Variants in FBN2 observed in about 807,000 individuals in gnomAD.
FBN2 encodes the protein fibrillin 2.
In FBN2, 105 loss-of-function variants were observed where a neutral mutation model predicts 355.6. That is an observed-to-expected ratio of 0.30 (90% CI 0.25 to 0.35). FBN2 has a LOEUF of 0.35. Ranked by LOEUF, FBN2 falls within the 10% of genes least tolerant of loss-of-function variation. FBN2 has a pLI of 1.00. For synonymous variants in FBN2, 1,350 were observed against 1,301.2 expected, an observed-to-expected ratio of 1.04 and a Z score of -0.81; for missense variants, 3,280 against 3,758.7, an observed-to-expected ratio of 0.87 and a Z score of 3.33.
intron 5 of FBN2, among the ~76,000 whole-genome samples, chr5:128,491,725 A>G (rs1057025907): frequency 1.3e-5 from 2 of 152,232 alleles, no homozygotes; most frequent in African/African-American, 4.8e-5. Context: ...CAAGTCAACA[A>G]AAAGTCTACC....
rs1750051414 is a variant in FBN2, at chr5:128,311,325, G to A, written c.5049C>T (p.Leu1683=). Residue 1683 remains leucine, a synonymous_variant, in exon 39 of 65, where the codon CTC becomes CTT. Transcript: ENST00000262464. ...FQCECPQGYY[L]SEDTRICEDI... is the part of the protein sequence containing the mutation. ...CTTCACAGATGCGGGTATCCTCGCT[G>A]AGGTAGTAGCCTTGTGGGCACTCAC... 6.2e-7 allele frequency: 1 copy of A among 1,614,140 alleles called. No individual in the cohort carries two copies. The highest frequency in any genetic ancestry group is 8.5e-7 in the Non-Finnish European group (1 of 1,180,010).
chr5:128,269,977 G>A lies in FBN2; in HGVS notation c.7960+2022C>T, dbSNP rs1298276486. Among the ~76,000 whole-genome samples the A allele has an allele frequency of 2.6e-5, 4 of 152,236 alleles. No individual in the cohort carries two copies. The East Asian group carries it at 7.7e-4, about 29-fold the overall frequency. ...AGGCTACAGTAACCAAAACAACATG[G>A]TGCTGGTACCAGAGCAGACATATAG... On this transcript the variant is annotated intron_variant, in intron 62 of 64. Coordinates refer to ENST00000262464, the MANE Select transcript of FBN2 (RefSeq NM_001999.4).
chr5:128,290,095 TA>T, intron 50 of FBN2, 148 bp from the exon 51 acceptor site: 1 of 669,982 alleles, frequency 1.5e-6, no homozygotes, highest in Non-Finnish European at 2.7e-6. Context: ...TTTTATGATT[TA>T]TTTCAAAAGC....
At position 128,530,885 on chromosome 5, in the gene FBN2, T is replaced by C. The variant is rs375094152; in HGVS notation, c.338-192A>G. On this transcript the variant is annotated intron_variant, in intron 2 of 64. Transcript: ENST00000262464. ...GGAATAAGTCTCACAGGTATCCTTA[T>C]GAAAACGTGTAAACAAATGAAGCTG... 2.6e-5 allele frequency among the ~76,000 whole-genome samples: 4 copies of C among 152,192 alleles called. No homozygotes were observed. In the South Asian group the frequency reaches 8.3e-4, roughly 31 times the overall value.
intron 11 of FBN2, among the ~76,000 whole-genome samples, chr5:128,389,568 A>G (rs1437990988): frequency 6.6e-6 from 1 of 152,188 alleles, no homozygotes; most frequent in African/African-American, 2.4e-5. Context: ...CCAAGGCCAA[A>G]GCCCCCTAAA....
At chr5:128,366,931 A>G (rs1453926539) in intron 16 of FBN2, among the ~76,000 whole-genome samples, 1 of 152,202 alleles carries the variant, frequency 6.6e-6, no homozygotes, top group Admixed American at 6.5e-5. Flanking sequence ...TAACTTGACC[A>G]AAGTCACAGA....
chr5:128,388,523 A>T (rs971438760), intron 11 of FBN2, among the ~76,000 whole-genome samples: 1 of 152,214 alleles, frequency 6.6e-6, no homozygotes, highest in African/African-American at 2.4e-5. Flanking sequence ...CCTCTTGGTA[A>T]GGCAGGTCTG....
At chr5:128,520,090 T>C (rs1208013869) in intron 4 of FBN2, among the ~76,000 whole-genome samples, 2 of 152,130 alleles carry the variant, frequency 1.3e-5, no homozygotes, top group Non-Finnish European at 2.9e-5. Flanking sequence ...GTTTCCAAAG[T>C]CATGCTGACA....
chr5:128,283,074 T>C (rs1749025447), intron 55 of FBN2, among the ~76,000 whole-genome samples: 1 of 152,214 alleles, frequency 6.6e-6, no homozygotes, highest in African/African-American at 2.4e-5. Context: ...ACTTTCAACC[T>C]TTTGTCTTCT....
chr5:128,329,492 G>A (rs1008820916), intron 33 of FBN2, among the ~76,000 whole-genome samples: 1 of 152,100 alleles, frequency 6.6e-6, no homozygotes, highest in African/African-American at 2.4e-5. Flanking sequence ...AATCTCCTGA[G>A]GTTTAGAAGA....
chr5:128,299,517 T>C (rs908941669), intron 48 of FBN2, among the ~76,000 whole-genome samples: 1 of 151,490 alleles, frequency 6.6e-6, no homozygotes, highest in African/African-American at 2.4e-5. Context: ...CGGGATATAA[T>C]CTCCTGGTGC....
intron 27 of FBN2, 126 bp downstream of exon 27, chr5:128,337,871 A>C: frequency 4.1e-6 from 4 of 970,268 alleles, no homozygotes; most frequent in Non-Finnish European, 4.8e-6. Context: ...GATGTAGGGA[A>C]TCTCAATTTC....
chr5:128,490,868 G>A (rs1418662836), intron 5 of FBN2, among the ~76,000 whole-genome samples: 1 of 152,146 alleles, frequency 6.6e-6, no homozygotes, highest in Non-Finnish European at 1.5e-5. Context: ...TGGCTTGTAT[G>A]AGAAACAAAG....
intron 8 of FBN2, among the ~76,000 whole-genome samples, chr5:128,404,869 G>A (rs1752886089): frequency 1.3e-5 from 2 of 152,170 alleles, no homozygotes; most frequent in South Asian, 4.1e-4. Context: ...AGGTGAAACG[G>A]CTACAAAGAA....
At chr5:128,352,832 T>G (rs1751403365) in intron 20 of FBN2, among the ~76,000 whole-genome samples, 1 of 152,178 alleles carries the variant, frequency 6.6e-6, no homozygotes, top group African/African-American at 2.4e-5. Context: ...ATAAGTGTAT[T>G]CCTATAGTAT....
intron 5 of FBN2, among the ~76,000 whole-genome samples, chr5:128,466,474 G>A (rs1291196223): frequency 1.3e-5 from 2 of 152,096 alleles, no homozygotes; most frequent in Non-Finnish European, 1.5e-5. Flanking sequence ...AATCAAACTT[G>A]GATATAATTT....
chr5:128,389,132 A>G (rs770703106), intron 11 of FBN2, among the ~76,000 whole-genome samples: 1 of 152,194 alleles, frequency 6.6e-6, no homozygotes, highest in African/African-American at 2.4e-5. Flanking sequence ...TTTGCTGTTA[A>G]TATTTCTGAT....
rs773505261 is a variant in FBN2 at position 128,446,591 on chromosome 5, T to C, written c.842A>G (p.Gln281Arg). The C allele has an allele frequency of 1.8e-5, 29 of 1,613,344 alleles. No homozygotes were observed. Among genetic ancestry groups the C allele is most frequent in the Non-Finnish European group, 1.3e-5 (15 of 1,179,492 alleles). ...TGACQDVDEC[Q>R]AIPGICQGGN... Reference sequence around the variant, plus strand: ...TCCTTGGCATATCCCTGGGATAGCCTGGCATTCATCAACATCTGCAAGAAG... The same window carrying C: ...TCCTTGGCATATCCCTGGGATAGCCCGGCATTCATCAACATCTGCAAGAAG... Residue 281 changes from glutamine (Q) to arginine (R), a missense_variant, in exon 7 of 65, where the codon CAG becomes CGG. Gln to Arg is a conservative substitution (Grantham distance 43). Around this residue, in one of 6 missense-constraint regions of FBN2, gnomAD observed 343 missense variants for 331.0 expected, o/e 1.04. Transcript: ENST00000262464.
intron 14 of FBN2, among the ~76,000 whole-genome samples, chr5:128,375,895 G>T (rs938696438): frequency 8.5e-5 from 13 of 152,078 alleles, no homozygotes; most frequent in Admixed American, 2.6e-4. Flanking sequence ...AAAATTAGCT[G>T]GGCATGGGGG....
Sources: gnomAD v4.1 joint callset for allele counts (sites outside exome capture counted in the v4.1 genomes callset) on GRCh38, gnomAD v4.1.1 for gene constraint, gnomAD v4.1.1 regional missense constraint, MANE v1.5 for transcripts, NCBI Gene and HGNC (gene_info 2026-07-23, HGNC 2026-07-21) for gene names.